Variants in OR3A2 observed in about 807,000 individuals in gnomAD.
OR3A2 encodes olfactory receptor family 3 subfamily A member 2, also known as olfactory receptor 3A2.
For synonymous variants in OR3A2, 126 were observed against 159.3 expected (o/e 0.79, Z 1.57); for missense variants, 318 against 392.8 (o/e 0.81, Z 1.61).
At chr17:3,320,045 T>C (rs1438050238) in intron 3 of OR3A2, among the ~76,000 whole-genome samples, 1 of 152,238 alleles carries the variant, frequency 6.6e-6, no homozygotes, top group Non-Finnish European at 1.5e-5. Context: ...ACCTGTTGTT[T>C]CCTGACTTTT....
intron 2 of OR3A2, among the ~76,000 whole-genome samples, chr17:3,362,068 C>A (rs1245762806): frequency 6.6e-6 from 1 of 151,578 alleles, no homozygotes; most frequent in Non-Finnish European, 1.5e-5. Context: ...GGTTGGTAGG[C>A]TATAAATTAT....
intron 3 of OR3A2, among the ~76,000 whole-genome samples, chr17:3,299,790 C>G (rs1474578860): frequency 2.0e-5 from 3 of 152,178 alleles, no homozygotes; most frequent in Non-Finnish European, 1.5e-5. Flanking sequence ...GCAACTCTGG[C>G]CTTCCATTTC....
chr17:3,375,266 C>T (rs1597364728), intron 2 of OR3A2, among the ~76,000 whole-genome samples: 1 of 86,242 alleles, frequency 1.2e-5, no homozygotes, highest in African/African-American at 4.4e-5. Context: ...TTGAGATAGT[C>T]TCACTTGGTC....
At chr17:3,342,746 C>G (rs1350508440) in intron 2 of OR3A2, among the ~76,000 whole-genome samples, 1 of 152,206 alleles carries the variant, frequency 6.6e-6, no homozygotes, top group Non-Finnish European at 1.5e-5. Flanking sequence ...CAGGGACCCA[C>G]TTGACGAGGC....
chr17:3,349,239 A>G (rs112889890), intron 2 of OR3A2, among the ~76,000 whole-genome samples: 1 of 152,194 alleles, frequency 6.6e-6, no homozygotes, highest in South Asian at 2.1e-4. Flanking sequence ...AGACTGGCAA[A>G]TTGGATAAAG....
In OR3A2 at chr17:3,364,812, T is replaced by G. The variant is rs796277776; in HGVS notation, c.-179+18992A>C. 8.5e-5 allele frequency among the ~76,000 whole-genome samples: 13 copies of G among 152,248 alleles called. 1 individual carries two copies. The highest frequency in any genetic ancestry group is 3.1e-4 in the African/African-American group (13 of 41,540). ...CACTCCCATGTTCATTGTAGCATTATTCACAGTAGCCAAGATATGGAATCA... is the reference window on the plus strand; with the variant it reads ...CACTCCCATGTTCATTGTAGCATTAGTCACAGTAGCCAAGATATGGAATCA... On this transcript the variant is annotated intron_variant, in intron 2 of 4. Coordinates refer to the OR3A2 transcript ENST00000573491.
rs529963451 is a variant in OR3A2 at position 3,341,071 on chromosome 17, G to A, written c.-178-4945C>T. Among the ~76,000 whole-genome samples the A allele has an allele frequency of 7.9e-5, 12 of 152,178 alleles. 1 individual carries two copies. In the South Asian group the frequency reaches 2.5e-3, roughly 32 times the overall value. On this transcript the variant is annotated intron_variant, in intron 2 of 4. Transcript: ENST00000573491. Reference sequence around the variant, plus strand: ...TGTTGGTTTAAAGTCTGTCTTATCAGAGACTAGAATTGCAACCCCTGCTTG... The same window carrying A: ...TGTTGGTTTAAAGTCTGTCTTATCAAAGACTAGAATTGCAACCCCTGCTTG...
chr17:3,323,483 C>T (rs989782781), intron 3 of OR3A2, among the ~76,000 whole-genome samples: 20 of 152,194 alleles, frequency 1.3e-4, no homozygotes, highest in African/African-American at 4.6e-4. Context: ...CACGTTTTTG[C>T]AGTGGCTGGT....
chr17:3,304,143 A>T (rs2048985590), intron 3 of OR3A2, among the ~76,000 whole-genome samples: 1 of 152,046 alleles, frequency 6.6e-6, no homozygotes, highest in South Asian at 2.1e-4. Context: ...AACCTGTGTG[A>T]TGGCTGGTGA....
intron 3 of OR3A2, among the ~76,000 whole-genome samples, chr17:3,293,721 G>A (rs980718617): frequency 6.6e-6 from 1 of 152,140 alleles, no homozygotes; most frequent in Non-Finnish European, 1.5e-5. Context: ...GCCCATCAAT[G>A]ACAGACTGGA....
chr17:3,358,551 G>A (rs2049481693), intron 2 of OR3A2, among the ~76,000 whole-genome samples: 1 of 151,608 alleles, frequency 6.6e-6, no homozygotes, highest in Non-Finnish European at 1.5e-5. Flanking sequence ...AGTCATTCAG[G>A]AGCATGTTGT....
chr17:3,283,569 G>A (rs983774877), intron 1 of OR3A2, among the ~76,000 whole-genome samples: 5 of 152,118 alleles, frequency 3.3e-5, no homozygotes, highest in Admixed American at 1.3e-4. Context: ...AAATGTGTAC[G>A]ATATCATCAG....
chr17:3,364,509 G>C (rs2049547011), intron 2 of OR3A2, among the ~76,000 whole-genome samples: 1 of 152,082 alleles, frequency 6.6e-6, no homozygotes, highest in Non-Finnish European at 1.5e-5. Flanking sequence ...GTCTCACCCA[G>C]CCTCTGGTCA....
At chr17:3,342,776 C>T (rs2049330476) in intron 2 of OR3A2, among the ~76,000 whole-genome samples, 1 of 152,208 alleles carries the variant, frequency 6.6e-6, no homozygotes, top group Non-Finnish European at 1.5e-5. Flanking sequence ...ATTCTCAGAG[C>T]TCAAACACCA....
rs143713159 is a variant in OR3A2, at chr17:3,354,766, G to A, written c.-178-18640C>T. ...TCATTTCAAATTCTCTTATTTCTGC[G>A]ATGATCTTTATTACCTCCCTTCTTT... On this transcript the variant is annotated intron_variant, in intron 2 of 4. Transcript: ENST00000573491. Among the ~76,000 whole-genome samples, 1,373 of 150,898 alleles carry A rather than the reference G, an allele frequency of 9.1e-3. 59 individuals are homozygous for A. Among genetic ancestry groups the A allele is most frequent in the African/African-American group, 0.032 (1,305 of 40,884 alleles).
intron 3 of OR3A2, among the ~76,000 whole-genome samples, chr17:3,331,466 C>T (rs1235189206): frequency 2.6e-5 from 4 of 151,808 alleles, no homozygotes; most frequent in South Asian, 2.1e-4. Flanking sequence ...TCATTCATTT[C>T]ATCTTCCATC....
chr17:3,335,904 C>T (rs1313653087), intron 3 of OR3A2, 125 bp downstream of exon 2: 1 of 152,222 alleles, frequency 6.6e-6, no homozygotes, highest in Non-Finnish European at 1.5e-5. Context: ...AATTTGGATT[C>T]AGGGTCAGAT....
At chr17:3,338,826 T>C (rs904646368) in intron 2 of OR3A2, among the ~76,000 whole-genome samples, 1 of 150,150 alleles carries the variant, frequency 6.7e-6, no homozygotes, top group South Asian at 2.1e-4. Flanking sequence ...TGGTAGCTGA[T>C]AGGGGCATTG....
At chr17:3,279,674 G>C (rs1282428666) in intron 1 of OR3A2, among the ~76,000 whole-genome samples, 1 of 152,136 alleles carries the variant, frequency 6.6e-6, no homozygotes, top group African/African-American at 2.4e-5. Flanking sequence ...TGTAATCCTA[G>C]CTACTCAGTA....
Sources: allele counts gnomAD v4.1 joint callset (sites outside exome capture counted in the v4.1 genomes callset), GRCh38; gene constraint gnomAD v4.1.1; transcripts MANE v1.5; gene names NCBI Gene and HGNC (gene_info 2026-07-23, HGNC 2026-07-21).